PDGFD: variants seen among roughly 807,000 people sequenced by gnomAD.
PDGFD encodes the protein platelet derived growth factor D.
Under a neutral mutation model 44.7 loss-of-function variants are expected in PDGFD, and 30 were observed. The ratio of observed to expected loss-of-function variants is 0.67; its 90% confidence interval spans 0.50 to 0.91. The LOEUF (loss-of-function observed/expected upper bound fraction) is 0.91. Ranked by LOEUF, PDGFD falls within the 40% of genes least tolerant of loss-of-function variation. The probability of loss-of-function intolerance (pLI) is 0.00; values close to 1 mark genes in which losing one functional copy is unlikely to be tolerated. For synonymous variants in PDGFD, 173 were observed against 168.4 expected (o/e 1.03, Z -0.21); for missense variants, 445 against 457.8 (o/e 0.97, Z 0.25).
At chr11:103,960,299 C>G (rs979522877) in intron 3 of PDGFD, among the ~76,000 whole-genome samples, 1 of 152,156 alleles carries the variant, frequency 6.6e-6, no homozygotes, top group African/African-American at 2.4e-5. Flanking sequence ...TCAGAGCTGA[C>G]TAGGTTATTG....
intron 3 of PDGFD, among the ~76,000 whole-genome samples, chr11:103,989,392 T>C (rs955799449): frequency 3.3e-5 from 5 of 152,260 alleles, no homozygotes; most frequent in South Asian, 4.1e-4. Context: ...TCATTTTCTC[T>C]GCGGCCTAGG....
At chr11:103,943,130 T>C (rs4384362) in intron 5 of PDGFD, among the ~76,000 whole-genome samples, 31,138 of 152,010 alleles carry the variant, frequency 0.2, 5,432 homozygotes, top group African/African-American at 0.47. Flanking sequence ...GTGAGTTAAA[T>C]ATATTGTACT....
intron 1 of PDGFD, among the ~76,000 whole-genome samples, chr11:104,139,363 T>C (rs926591568): frequency 1.3e-5 from 2 of 151,996 alleles, no homozygotes; most frequent in Non-Finnish European, 2.9e-5. Context: ...ATGAAACAGC[T>C]GAAAAGTAAA....
At chr11:104,014,118 G>C (rs142682549) in intron 1 of PDGFD, among the ~76,000 whole-genome samples, 26 of 152,284 alleles carry the variant, frequency 1.7e-4, no homozygotes, top group African/African-American at 6.3e-4. Context: ...GAAACATAGA[G>C]ACAGAAACAT....
At chr11:104,052,432 CCTTTT>C (rs547824976) in intron 1 of PDGFD, among the ~76,000 whole-genome samples, 104 of 152,134 alleles carry the variant, frequency 6.8e-4, no homozygotes, top group South Asian at 2.9e-3. Context: ...TTACTGTTAG[CCTTTT>C]CTTTACTTTT....
intron 1 of PDGFD, chr11:104,038,229 C>A: frequency 1.8e-6 from 1 of 552,982 alleles, no homozygotes; most frequent in Non-Finnish European, 3.2e-6. Flanking sequence ...GAAAGGCATC[C>A]TGGGAAGGCT....
intron 3 of PDGFD, among the ~76,000 whole-genome samples, chr11:103,957,818 G>A (rs942003564): frequency 9.2e-5 from 14 of 152,100 alleles, no homozygotes; most frequent in Non-Finnish European, 1.8e-4. Context: ...GAGGGGTGCC[G>A]CATACCAAGG....
Position 103,909,170 on chromosome 11 carries a change from G to A in PDGFD, c.*524C>T, listed in dbSNP as rs939886838. ...TCCTTTTTTAATAATCAACTAAGAT[G>A]TATATGTAAGAAAGCCTCATCTTTT... On this transcript the variant is annotated 3_prime_UTR_variant, in exon 7 of 7. Coordinates refer to ENST00000393158, the MANE Select transcript of PDGFD (RefSeq NM_025208.5). 1 of 152,786 alleles carries A rather than the reference G, an allele frequency of 6.5e-6. No homozygotes were observed. Among genetic ancestry groups the A allele is most frequent in the Non-Finnish European group, 1.5e-5 (1 of 68,426 alleles). The allele number at this position is 152,786 out of a possible 1,614,324, so 9.5% of individuals were successfully genotyped here. A position where few individuals can be genotyped will look rare whatever the true frequency, so the allele number is the denominator to read the frequency against.
intron 5 of PDGFD, among the ~76,000 whole-genome samples, chr11:103,930,987 C>G (rs922967515): frequency 6.6e-6 from 1 of 152,108 alleles, no homozygotes; most frequent in Non-Finnish European, 1.5e-5. Flanking sequence ...CTCCTTGAAC[C>G]CTTTCTTGCC....
At chr11:104,022,892 A>G (rs924132216) in intron 1 of PDGFD, among the ~76,000 whole-genome samples, 1 of 152,086 alleles carries the variant, frequency 6.6e-6, no homozygotes, top group Non-Finnish European at 1.5e-5. Context: ...CTATGTAGGT[A>G]GTAACTATAA....
At chr11:104,143,216 C>A (rs565724470) in intron 1 of PDGFD, among the ~76,000 whole-genome samples, 1 of 152,092 alleles carries the variant, frequency 6.6e-6, no homozygotes, top group Non-Finnish European at 1.5e-5. Context: ...GCATAACTTC[C>A]TCTTTAGCAT....
intron 1 of PDGFD, among the ~76,000 whole-genome samples, chr11:104,072,712 G>T (rs1251650686): frequency 2.0e-5 from 3 of 151,848 alleles, no homozygotes; most frequent in Non-Finnish European, 4.4e-5. Context: ...CTAATGTAGT[G>T]TACATATATT....
chr11:104,053,351 T>C (rs1860571483), intron 1 of PDGFD, among the ~76,000 whole-genome samples: 1 of 152,216 alleles, frequency 6.6e-6, no homozygotes, highest in Non-Finnish European at 1.5e-5. Flanking sequence ...AACTGAAATT[T>C]AACCCTTTGC....
intron 1 of PDGFD, among the ~76,000 whole-genome samples, chr11:104,107,284 A>G (rs1009331740): frequency 6.6e-6 from 1 of 152,178 alleles, no homozygotes; most frequent in African/African-American, 2.4e-5. Context: ...TGTTAGTCTT[A>G]AAGAAGCAAA....
At chr11:104,055,760 C>G (rs191289742) in intron 1 of PDGFD, among the ~76,000 whole-genome samples, 3 of 152,180 alleles carry the variant, frequency 2.0e-5, no homozygotes, top group Admixed American at 1.3e-4. Flanking sequence ...CTATAGTGAT[C>G]TAATGTGCTA....
chr11:104,116,179 C>A (rs747340348), intron 1 of PDGFD, among the ~76,000 whole-genome samples: 5 of 151,892 alleles, frequency 3.3e-5, no homozygotes, highest in Non-Finnish European at 5.9e-5. Flanking sequence ...AGATTTAAGC[C>A]CTTGATACAT....
intron 1 of PDGFD, among the ~76,000 whole-genome samples, chr11:104,013,724 T>C (rs1453212701): frequency 6.6e-6 from 1 of 152,094 alleles, no homozygotes; most frequent in Non-Finnish European, 1.5e-5. Context: ...CAGGCTTGAC[T>C]TGTCTTTTTG....
chr11:104,142,510 C>A (rs1413605296), intron 1 of PDGFD, among the ~76,000 whole-genome samples: 1 of 151,918 alleles, frequency 6.6e-6, no homozygotes, highest in South Asian at 2.1e-4. Flanking sequence ...AAAATTTCCA[C>A]CTTATCTACC....
chr11:103,980,868 A>C (rs1024745252), intron 3 of PDGFD, among the ~76,000 whole-genome samples: 5 of 151,966 alleles, frequency 3.3e-5, no homozygotes, highest in African/African-American at 4.8e-5. Context: ...CCAAAACCCT[A>C]CCATGCTGGC....
Sources: allele counts gnomAD v4.1 joint callset (sites outside exome capture counted in the v4.1 genomes callset), GRCh38; gene constraint gnomAD v4.1.1; transcripts MANE v1.5; gene names NCBI Gene and HGNC (gene_info 2026-07-23, HGNC 2026-07-21).